The following ASPRV1 variants were observed in gnomAD, a reference collection of about 807,000 sequenced individuals.
The protein encoded by ASPRV1 is retroviral-like aspartic protease 1.
ASPRV1 carries 7 observed loss-of-function variants against 11.0 expected under a neutral mutation model. That is an observed-to-expected ratio of 0.64 (90% CI 0.36 to 1.20). The LOEUF is 1.20. ASPRV1 is among the 50% of genes most tolerant of loss of function. ASPRV1 has a pLI of 0.02. For missense variants in ASPRV1, 299 were observed against 320.0 expected, an observed-to-expected ratio of 0.93 and a Z score of 0.50; for synonymous variants, 136 against 138.4, an observed-to-expected ratio of 0.98 and a Z score of 0.12.
chr2:70,044,654 T>A, the ASPRV1 span, among the ~76,000 whole-genome samples: 1 of 152,164 alleles, frequency 6.6e-6, no homozygotes, highest in Non-Finnish European at 1.5e-5. Flanking sequence ...AGACGGGGTT[T>A]CTCCATGTTG....
At chr2:70,043,489 T>C in the ASPRV1 span, among the ~76,000 whole-genome samples, 1 of 152,246 alleles carries the variant, frequency 6.6e-6, no homozygotes, top group Non-Finnish European at 1.5e-5. Context: ...TCAGCTCTTT[T>C]GGCTCCACAA....
At chr2:70,087,164 T>C in the ASPRV1 span, 1 of 152,122 alleles carries the variant, frequency 6.6e-6, no homozygotes, top group Non-Finnish European at 1.5e-5. Flanking sequence ...GAGCCCCTCA[T>C]GTAGGGCAGG....
the ASPRV1 span, among the ~76,000 whole-genome samples, chr2:70,000,889 G>T: frequency 2.6e-5 from 4 of 151,524 alleles, no homozygotes; most frequent in East Asian, 5.8e-4. Context: ...ACCAACGGCT[G>T]GCCTGTAAAA....
At chr2:69,984,610 CTTTTTTTTT>C in the ASPRV1 span, among the ~76,000 whole-genome samples, 3 of 65,338 alleles carry the variant, frequency 4.6e-5, no homozygotes, top group African/African-American at 1.3e-4. Context: ...TCAGGTCCAG[CTTTTTTTTT>C]TTTTTTTTTT....
At chr2:69,933,722 G>C in the ASPRV1 span, among the ~76,000 whole-genome samples, 1 of 152,186 alleles carries the variant, frequency 6.6e-6, no homozygotes, top group Non-Finnish European at 1.5e-5. Context: ...AGTGTGAATT[G>C]ACTTCTTACA....
At chr2:69,974,413 G>GT in the ASPRV1 span, among the ~76,000 whole-genome samples, 2 of 151,806 alleles carry the variant, frequency 1.3e-5, no homozygotes, top group Non-Finnish European at 2.9e-5. Context: ...TCATTTAATT[G>GT]TAAGTTTATA....
chr2:70,072,169 C>G, the ASPRV1 span, among the ~76,000 whole-genome samples: 1 of 150,188 alleles, frequency 6.7e-6, no homozygotes, highest in African/African-American at 2.4e-5. Context: ...CCAGTCTGGT[C>G]TCAAACTCCT....
chr2:70,045,721 G>C, the ASPRV1 span: 1 of 152,148 alleles, frequency 6.6e-6, no homozygotes, highest in African/African-American at 2.4e-5. Flanking sequence ...TCAGGAGTTC[G>C]AGACTAGCCT....
the ASPRV1 span, among the ~76,000 whole-genome samples, chr2:69,937,579 C>G: frequency 1.3e-5 from 2 of 152,112 alleles, no homozygotes; most frequent in Non-Finnish European, 2.9e-5. Context: ...GGTGACAACC[C>G]CAGAAGAGTT....
At chr2:69,938,126 G>T in the ASPRV1 span, 1 of 1,614,212 alleles carries the variant, frequency 6.2e-7, no homozygotes, top group Non-Finnish European at 8.5e-7. Context: ...GGAGAGCACG[G>T]ACTATCTCAC....
the ASPRV1 span, chr2:69,938,039 G>A: frequency 1.8e-5 from 28 of 1,546,380 alleles, no homozygotes; most frequent in East Asian, 4.3e-4. Context: ...GAGCCACCAC[G>A]CCTGAGCTTT....
the ASPRV1 span, among the ~76,000 whole-genome samples, chr2:70,004,955 G>A: frequency 2.6e-5 from 4 of 152,188 alleles, no homozygotes; most frequent in Non-Finnish European, 5.9e-5. Context: ...CTCACGGTAT[G>A]TGCTCAGCAA....
At chr2:69,963,749 A>G (rs1437266442), upstream of ASPRV1, among the ~76,000 whole-genome samples, 2 of 152,212 alleles carry the variant, frequency 1.3e-5, no homozygotes, top group East Asian at 1.9e-4. Context: ...CATGAGGAGT[A>G]TAACAACCTG....
downstream of ASPRV1, among the ~76,000 whole-genome samples, chr2:69,955,933 G>C (rs1677927812): frequency 6.6e-6 from 1 of 151,900 alleles, no homozygotes; most frequent in Non-Finnish European, 1.5e-5. Flanking sequence ...CCAGTAGCAA[G>C]AAGCACACAC....
the ASPRV1 span, among the ~76,000 whole-genome samples, chr2:70,068,151 C>T: frequency 6.6e-6 from 1 of 152,216 alleles, no homozygotes; most frequent in East Asian, 1.9e-4. Flanking sequence ...ACACCAAAAT[C>T]GCAACACACA....
the ASPRV1 span, among the ~76,000 whole-genome samples, chr2:70,054,600 AAAT>A: frequency 6.6e-6 from 1 of 151,704 alleles, no homozygotes; most frequent in Non-Finnish European, 1.5e-5. Context: ...ATAAATAAAT[AAAT>A]AATAAAATAA....
the ASPRV1 span, among the ~76,000 whole-genome samples, chr2:69,953,623 G>A: frequency 6.6e-6 from 1 of 152,188 alleles, no homozygotes; most frequent in Non-Finnish European, 1.5e-5. Flanking sequence ...GGTAAAAAGA[G>A]CTCACCAAAG....
chr2:70,036,001 A>C, the ASPRV1 span, among the ~76,000 whole-genome samples: 5 of 151,618 alleles, frequency 3.3e-5, no homozygotes, highest in Non-Finnish European at 5.9e-5. Context: ...TAAAGAAATG[A>C]GAAATGAACT....
the ASPRV1 span, among the ~76,000 whole-genome samples, chr2:69,979,750 C>A: frequency 1.3e-5 from 2 of 152,190 alleles, no homozygotes; most frequent in Non-Finnish European, 2.9e-5. Flanking sequence ...TCCTCAGGCA[C>A]CATGGGAGCT....
Sources: allele counts gnomAD v4.1 joint callset (sites outside exome capture counted in the v4.1 genomes callset), GRCh38; gene constraint gnomAD v4.1.1; transcripts MANE v1.5; gene names NCBI Gene and HGNC (gene_info 2026-07-23, HGNC 2026-07-21).